Variants in TRAF3 observed in about 807,000 individuals in gnomAD.
TRAF3 encodes TNF receptor-associated factor 3.
In TRAF3, 13 loss-of-function variants were observed where a neutral mutation model predicts 62.3. The observed-to-expected ratio is 0.21, with a 90% CI of 0.14 to 0.33. TRAF3 has a LOEUF of 0.33. TRAF3 is among the 10% of genes least tolerant of loss of function. The probability of loss-of-function intolerance (pLI) is 1.00; values close to 1 mark genes in which losing one functional copy is unlikely to be tolerated. For missense variants in TRAF3, 440 were observed against 741.8 expected, an observed-to-expected ratio of 0.59 and a Z score of 4.73; for synonymous variants, 269 against 283.4, an observed-to-expected ratio of 0.95 and a Z score of 0.51.
chr14:102,869,451 T>C (rs1288688560), intron 2 of TRAF3, among the ~76,000 whole-genome samples: 1 of 152,186 alleles, frequency 6.6e-6, no homozygotes, highest in African/African-American at 2.4e-5. Flanking sequence ...GAATTCAAAG[T>C]TACAACACAG....
At chr14:102,874,351 G>T (rs991279344) in intron 4 of TRAF3, among the ~76,000 whole-genome samples, 2 of 152,162 alleles carry the variant, frequency 1.3e-5, no homozygotes, top group Admixed American at 6.5e-5. Context: ...CCTCCTCCCG[G>T]GTTCAAGCGA....
At chr14:102,782,242 T>C (rs932064405) in intron 1 of TRAF3, among the ~76,000 whole-genome samples, 8 of 151,690 alleles carry the variant, frequency 5.3e-5, no homozygotes, top group African/African-American at 1.9e-4. Flanking sequence ...TCGGCCTATT[T>C]GTTTTTTTTG....
intron 1 of TRAF3, among the ~76,000 whole-genome samples, chr14:102,781,752 G>A (rs1182335797): frequency 1.3e-5 from 2 of 151,020 alleles, no homozygotes; most frequent in African/African-American, 2.4e-5. Flanking sequence ...TCAGCCTCCC[G>A]AGTAGCTGGG....
chr14:102,804,696 AG>A (rs1428697344), intron 1 of TRAF3, among the ~76,000 whole-genome samples: 3 of 152,138 alleles, frequency 2.0e-5, no homozygotes, highest in African/African-American at 7.2e-5. Context: ...TATATCGCCC[AG>A]GCTGGTCTTG....
At chr14:102,790,809 G>T (rs780586107) in intron 1 of TRAF3, among the ~76,000 whole-genome samples, 6 of 152,144 alleles carry the variant, frequency 3.9e-5, no homozygotes, top group African/African-American at 1.4e-4. Flanking sequence ...TGGGAAGTAT[G>T]AGTCTCCCAA....
Position 102,875,772 on chromosome 14 carries a change from C to T in TRAF3, c.402+44C>T, listed in dbSNP as rs368469486. On this transcript the variant is annotated intron_variant, in intron 5 of 11. Coordinates refer to ENST00000392745, the MANE Select transcript of TRAF3 (RefSeq NM_145725.3). ...CTGGAACCTTTTACATGAAGGAATTCGAGTCCCTTACATCCAGCTGATGAA... is the reference window on the plus strand; with the variant it reads ...CTGGAACCTTTTACATGAAGGAATTTGAGTCCCTTACATCCAGCTGATGAA... 353 of 1,522,550 alleles carry T rather than the reference C, an allele frequency of 2.3e-4. 2 individuals are homozygous for T. In the African/African-American group the frequency reaches 3.9e-3, roughly 17 times the overall value. 94.3% of individuals were successfully genotyped at this position (1,522,550 alleles called of 1,614,324 possible).
intron 9 of TRAF3, among the ~76,000 whole-genome samples, chr14:102,894,349 A>G (rs936813462): frequency 6.6e-6 from 1 of 152,262 alleles, no homozygotes; most frequent in Non-Finnish European, 1.5e-5. Flanking sequence ...TGATCCTCAC[A>G]TTCATAGTCA....
intron 1 of TRAF3, among the ~76,000 whole-genome samples, chr14:102,779,520 G>A (rs1310845760): frequency 6.6e-6 from 1 of 152,062 alleles, no homozygotes; most frequent in African/African-American, 2.4e-5. Flanking sequence ...ATTTAACTGA[G>A]ACATCTGAGC....
chr14:102,793,621 C>A (rs565131130), intron 1 of TRAF3, among the ~76,000 whole-genome samples: 3 of 152,300 alleles, frequency 2.0e-5, no homozygotes, highest in Admixed American at 6.5e-5. Context: ...CAGACACATT[C>A]ATGTTGTAGT....
At chr14:102,890,494 C>T (rs545295514) in intron 8 of TRAF3, among the ~76,000 whole-genome samples, 177 of 152,132 alleles carry the variant, frequency 1.2e-3, no homozygotes, top group African/African-American at 4.0e-3. Flanking sequence ...TTCTGTCGTA[C>T]GTAGTATCAT....
rs1165704480 is a variant in TRAF3 at position 102,906,842 on chromosome 14, A to G, written c.*1058A>G. The G allele has an allele frequency of 6.6e-6, 1 of 152,210 alleles. No homozygotes were observed. Among genetic ancestry groups the G allele is most frequent in the Non-Finnish European group, 1.5e-5 (1 of 68,048 alleles). 9.4% of individuals were successfully genotyped at this position (152,210 alleles called of 1,614,324 possible). A position where few individuals can be genotyped will look rare whatever the true frequency, so the allele number is the denominator to read the frequency against. ...TTTCTCCATCCCGTCATCTTGCTGC[A>G]TGCCGTCAACGGTCTCCGAAAGCAA... On this transcript the variant is annotated 3_prime_UTR_variant, in exon 12 of 12. Coordinates refer to ENST00000392745, the MANE Select transcript of TRAF3 (RefSeq NM_145725.3).
intron 1 of TRAF3, 49 bp downstream of exon 1, chr14:102,777,724 C>T (rs1440911087): frequency 2.1e-5 from 3 of 144,778 alleles, no homozygotes; most frequent in Non-Finnish European, 4.6e-5. Flanking sequence ...GGCCGGGCGC[C>T]TCCATCCCCG....
chr14:102,843,231 A>T (rs1886486801), intron 2 of TRAF3, among the ~76,000 whole-genome samples: 1 of 151,986 alleles, frequency 6.6e-6, no homozygotes, highest in African/African-American at 2.4e-5. Flanking sequence ...ACAAAAATAA[A>T]TTTTTAGGCC....
At chr14:102,805,762 C>G (rs1255069698) in intron 1 of TRAF3, among the ~76,000 whole-genome samples, 1 of 152,164 alleles carries the variant, frequency 6.6e-6, no homozygotes, top group Non-Finnish European at 1.5e-5. Flanking sequence ...CGAAGATTGT[C>G]CAATTTAGAC....
intron 1 of TRAF3, among the ~76,000 whole-genome samples, chr14:102,800,610 G>T (rs149065206): frequency 6.1e-4 from 92 of 151,948 alleles, no homozygotes; most frequent in African/African-American, 2.2e-3. Flanking sequence ...CTTATGTGAG[G>T]CTATTTATAA....
chr14:102,896,033 T>C (rs1889990137), intron 9 of TRAF3, among the ~76,000 whole-genome samples: 1 of 152,162 alleles, frequency 6.6e-6, no homozygotes, highest in Admixed American at 6.5e-5. Flanking sequence ...TGGGTGGATG[T>C]GAAATAATTT....
Position 102,909,792 on chromosome 14 carries a change from G to A in TRAF3, c.*4008G>A, listed in dbSNP as rs138179996. On this transcript the variant is annotated 3_prime_UTR_variant, in exon 12 of 12. Coordinates refer to ENST00000392745, the MANE Select transcript of TRAF3 (RefSeq NM_145725.3). Reference sequence around the variant, plus strand: ...GGTCCTCAGTCACCCTGGGCCAGGGGCCACGTGTCCCATGGATGTCGACCA... The same window carrying A: ...GGTCCTCAGTCACCCTGGGCCAGGGACCACGTGTCCCATGGATGTCGACCA... 5.7e-3 allele frequency: 876 copies of A among 152,382 alleles called. 9 individuals carry two copies. The highest frequency in any genetic ancestry group is 0.01 in the Admixed American group (155 of 15,304). 9.4% of individuals were successfully genotyped at this position (152,382 alleles called of 1,614,324 possible).
chr14:102,777,956 C>G (rs1273523145), intron 1 of TRAF3, among the ~76,000 whole-genome samples: 3 of 150,296 alleles, frequency 2.0e-5, no homozygotes, highest in Non-Finnish European at 4.5e-5. Flanking sequence ...GCCGGGGCGC[C>G]CGCACCTTTT....
chr14:102,874,577 A>C (rs1306145905), intron 4 of TRAF3, among the ~76,000 whole-genome samples: 3 of 152,050 alleles, frequency 2.0e-5, no homozygotes, highest in Non-Finnish European at 4.4e-5. Context: ...CTCTTAAAAA[A>C]AGAGTGAGAA....
Sources: gnomAD v4.1 joint callset for allele counts (sites outside exome capture counted in the v4.1 genomes callset) on GRCh38, gnomAD v4.1.1 for gene constraint, MANE v1.5 for transcripts, NCBI Gene and HGNC (gene_info 2026-07-23, HGNC 2026-07-21) for gene names.